MCPH1: variants seen among roughly 807,000 people sequenced by gnomAD.
MCPH1 encodes microcephalin 1, also known as microcephalin.
In MCPH1, 104 loss-of-function variants were observed where a neutral mutation model predicts 84.5. The observed-to-expected ratio is 1.23, with a 90% CI of 1.05 to 1.45. The LOEUF (loss-of-function observed/expected upper bound fraction) is 1.45, where lower values mean the gene tolerates loss of function less well. Ranked by LOEUF, MCPH1 falls within the 40% of genes most tolerant of loss-of-function variation. The pLI is 0.00. For synonymous variants in MCPH1, 514 were observed against 366.8 expected (o/e 1.40, Z -4.58); for missense variants, 1,498 against 1,005.7 (o/e 1.49, Z -6.62).
At chr8:6,618,713 T>C (rs1047716041) in intron 12 of MCPH1, 1 of 152,172 alleles carries the variant, frequency 6.6e-6, no homozygotes, top group Non-Finnish European at 1.5e-5. Context: ...TTTAAAATTA[T>C]TATTATTAGG....
In MCPH1 at chr8:6,621,460, C is replaced by T. The variant is rs374596700; in HGVS notation, c.2221C>T (p.Arg741Ter). ...SHHFPAAPLC[R>*]SECHLSAGPY... ...ATCTCTGTCTGCCCCACAGCTGTGC[C>T]GAAGCGAGTGCCACTTGTCTGCAGG... Residue 741 changes from arginine (R) to a stop codon, truncating the protein, a stop_gained, in exon 13 of 14, where the codon CGA becomes TGA. Coordinates refer to ENST00000344683, the MANE Select transcript of MCPH1 (RefSeq NM_024596.5). LOFTEE classifies it high-confidence loss of function. 137 of 1,613,946 alleles carry T rather than the reference C, an allele frequency of 8.5e-5. No homozygotes were observed. The highest frequency in any genetic ancestry group is 1.7e-4 in the Middle Eastern group (1 of 6,060).
Position 6,612,768 on chromosome 8 carries a change from G to A in MCPH1, c.2215-8686G>A, listed in dbSNP as rs116186516. On this transcript the variant is annotated intron_variant, in intron 12 of 13. Transcript: ENST00000344683. ...GTCCTGCTCCTTCTCCCAGCTGGTGGTGCCTCTGAGAAGAGGACTGAGAAC... is the reference window on the plus strand; with the variant it reads ...GTCCTGCTCCTTCTCCCAGCTGGTGATGCCTCTGAGAAGAGGACTGAGAAC... 7.7e-3 allele frequency among the ~76,000 whole-genome samples: 1,177 copies of A among 152,324 alleles called. 14 individuals are homozygous for A. Among genetic ancestry groups the A allele is most frequent in the African/African-American group, 0.027 (1,103 of 41,564 alleles).
At chr8:6,540,286 G>C (rs887020687) in intron 12 of MCPH1, among the ~76,000 whole-genome samples, 2 of 152,186 alleles carry the variant, frequency 1.3e-5, no homozygotes, top group Non-Finnish European at 2.9e-5. Context: ...ATAAGGAAAT[G>C]TGCTTTTCCC....
At chr8:6,559,506 A>G (rs1825182758) in intron 12 of MCPH1, among the ~76,000 whole-genome samples, 1 of 152,112 alleles carries the variant, frequency 6.6e-6, no homozygotes, top group Admixed American at 6.5e-5. Flanking sequence ...TGTTTAAAAA[A>G]CAAACAAACA....
chr8:6,430,053 A>G (rs548424119), intron 3 of MCPH1, among the ~76,000 whole-genome samples: 27 of 152,158 alleles, frequency 1.8e-4, no homozygotes, highest in Non-Finnish European at 3.4e-4. Flanking sequence ...GCTTGAGTCT[A>G]TGCTCTGCTT....
At chr8:6,570,484 G>A (rs1826563610) in intron 12 of MCPH1, among the ~76,000 whole-genome samples, 1 of 152,176 alleles carries the variant, frequency 6.6e-6, no homozygotes, top group African/African-American at 2.4e-5. Flanking sequence ...CCGCATTATA[G>A]TTGTGTTTTC....
chr8:6,510,768 G>C (rs1563318084), intron 12 of MCPH1, among the ~76,000 whole-genome samples: 1 of 152,176 alleles, frequency 6.6e-6, no homozygotes, highest in Non-Finnish European at 1.5e-5. Flanking sequence ...AAAAGATGAG[G>C]GTAGGGCCAT....
At chr8:6,499,715 C>G (rs1313824233) in intron 11 of MCPH1, 137 bp from the exon 12 acceptor site, 1 of 733,740 alleles carries the variant, frequency 1.4e-6, no homozygotes, top group Non-Finnish European at 2.4e-6. Flanking sequence ...TCTGAAGGGA[C>G]TTTGTTGTCT....
Position 6,499,756 on chromosome 8 carries a change from G to C in MCPH1, c.2137-96G>C, listed in dbSNP as rs1586135896. The C allele has an allele frequency of 3.0e-6, 3 of 992,716 alleles. No individual in the cohort carries two copies. The African/African-American group carries it at 4.7e-5, about 16-fold the overall frequency. 61.5% of individuals were successfully genotyped at this position (992,716 alleles called of 1,614,324 possible). A position where few individuals can be genotyped will look rare whatever the true frequency, so the allele number is the denominator to read the frequency against. ...CACATCTATTTCAGATCTGCGGAGT[G>C]TATCACTTTTTGCTGTGTCTTCAAA... On this transcript the variant is annotated intron_variant, in intron 11 of 13. Transcript: ENST00000344683.
chr8:6,617,900 AATCTATCTATCTATCTATCTATCTATCT>A (rs142071946), intron 12 of MCPH1, among the ~76,000 whole-genome samples: 5 of 143,014 alleles, frequency 3.5e-5, no homozygotes, highest in African/African-American at 1.1e-4. Flanking sequence ...CTATCTATCT[AATCTATCTATCTATCTATCTATCTATCT>A]ATCTATCTAT....
intron 12 of MCPH1, among the ~76,000 whole-genome samples, chr8:6,566,068 A>G (rs1413758204): frequency 6.6e-6 from 1 of 151,746 alleles, no homozygotes; most frequent in Admixed American, 6.6e-5. Context: ...AATGCGGTGC[A>G]AAGCAGCTGT....
At chr8:6,614,414 C>A (rs1439460515) in intron 12 of MCPH1, among the ~76,000 whole-genome samples, 1 of 152,192 alleles carries the variant, frequency 6.6e-6, no homozygotes, top group Non-Finnish European at 1.5e-5. Flanking sequence ...CAGAGGAAGA[C>A]CAACTTAATC....
chr8:6,417,471 C>A (rs1311453280), intron 3 of MCPH1, among the ~76,000 whole-genome samples: 2 of 152,154 alleles, frequency 1.3e-5, no homozygotes, highest in Non-Finnish European at 2.9e-5. Context: ...ACCTTTTAAA[C>A]GTTTGCATTT....
At chr8:6,565,019 A>C (rs1826037121) in intron 12 of MCPH1, among the ~76,000 whole-genome samples, 1 of 152,186 alleles carries the variant, frequency 6.6e-6, no homozygotes, top group Non-Finnish European at 1.5e-5. Flanking sequence ...CATGGTTTCC[A>C]CTAAGGGAAC....
At chr8:6,458,133 A>G (rs1805893977) in intron 9 of MCPH1, among the ~76,000 whole-genome samples, 1 of 152,108 alleles carries the variant, frequency 6.6e-6, no homozygotes, top group Non-Finnish European at 1.5e-5. Context: ...TCTCATGTAA[A>G]GTTGTTTCAT....
intron 12 of MCPH1, among the ~76,000 whole-genome samples, chr8:6,562,264 C>G (rs1266813565): frequency 6.6e-6 from 1 of 152,172 alleles, no homozygotes; most frequent in Admixed American, 6.5e-5. Context: ...CCTTCCCTCA[C>G]TTGCCTGCAA....
rs1281795808 is a variant in MCPH1, at chr8:6,444,640, T to G, written c.918T>G (p.Ile306Met). 3 of 1,614,154 alleles carry G rather than the reference T, an allele frequency of 1.9e-6. No homozygotes were observed. The highest frequency in any genetic ancestry group is 2.5e-6 in the Non-Finnish European group (3 of 1,180,038). ...SKEEINLQRN[I>M]AGKVVTPDQK... ...AAGAAATAAACTTGCAAAGAAATATTGCAGGTAAAGTAGTCACCCCTGACC... is the reference window on the plus strand; with the variant it reads ...AAGAAATAAACTTGCAAAGAAATATGGCAGGTAAAGTAGTCACCCCTGACC... Residue 306 changes from isoleucine to methionine, a missense_variant, in exon 8 of 14, where the codon ATT (isoleucine) becomes ATG (methionine). By Grantham distance (10) the Ile-to-Met change is conservative. Transcript: ENST00000344683.
intron 12 of MCPH1, among the ~76,000 whole-genome samples, chr8:6,607,461 C>A (rs768210010): frequency 7.2e-5 from 11 of 152,318 alleles, no homozygotes; most frequent in Middle Eastern, 3.4e-3. Flanking sequence ...GCCTGTTTTC[C>A]TCTTGTTACT....
chr8:6,638,298 T>G (rs907466291), intron 13 of MCPH1, among the ~76,000 whole-genome samples: 2 of 152,232 alleles, frequency 1.3e-5, no homozygotes, highest in African/African-American at 4.8e-5. Context: ...CTAGATCTCC[T>G]AGCCCTAACA....
Sources: allele counts gnomAD v4.1 joint callset (sites outside exome capture counted in the v4.1 genomes callset), GRCh38; gene constraint gnomAD v4.1.1; transcripts MANE v1.5; gene names NCBI Gene and HGNC (gene_info 2026-07-23, HGNC 2026-07-21).